Variants in ARHGEF38 observed in about 807,000 individuals in gnomAD.
The protein encoded by ARHGEF38 is Rho guanine nucleotide exchange factor (GEF) 38.
Under a neutral mutation model 79.9 loss-of-function variants are expected in ARHGEF38, and 79 were observed. The observed-to-expected ratio is 0.99, with a 90% CI of 0.82 to 1.19. The LOEUF (loss-of-function observed/expected upper bound fraction) is 1.19, where lower values mean the gene tolerates loss of function less well. Ranked by LOEUF, ARHGEF38 falls within the 50% of genes most tolerant of loss-of-function variation. The pLI is 0.00. For synonymous variants in ARHGEF38, 366 were observed against 328.3 expected, an observed-to-expected ratio of 1.11 and a Z score of -1.24; for missense variants, 962 against 907.2, an observed-to-expected ratio of 1.06 and a Z score of -0.78.
chr4:105,564,725 A>G (rs1725805446), intron 1 of ARHGEF38, among the ~76,000 whole-genome samples: 1 of 152,216 alleles, frequency 6.6e-6, no homozygotes, highest in African/African-American at 2.4e-5. Context: ...GCTTTTCCCA[A>G]TTTGACTCTA....
Position 105,630,891 on chromosome 4 carries a change from T to C in ARHGEF38, c.509-7T>C. The stretch of plus-strand genomic sequence containing the variant: ...ATGTCATTTTGCCTTTGTTTTGCAT[T>C]TATCAGGAGAAGTATTCTTGCAGAT... On this transcript the variant is annotated splice_polypyrimidine_tract_variant and splice_region_variant and intron_variant, in intron 3 of 13. Transcript: ENST00000420470. 1 of 1,601,210 alleles carries C rather than the reference T, an allele frequency of 6.2e-7. No homozygotes were observed. Among genetic ancestry groups the C allele is most frequent in the Non-Finnish European group, 8.5e-7 (1 of 1,175,924 alleles).
chr4:105,595,567 A>G (rs72669970), intron 2 of ARHGEF38, among the ~76,000 whole-genome samples: 22,860 of 152,044 alleles, frequency 0.15, 1,803 homozygotes, highest in Middle Eastern at 0.17. Flanking sequence ...ATACTGAAAT[A>G]TTTTCTGGAA....
At chr4:105,577,105 T>TA (rs776912536) in intron 1 of ARHGEF38, among the ~76,000 whole-genome samples, 17 of 151,016 alleles carry the variant, frequency 1.1e-4, no homozygotes, top group Non-Finnish European at 2.1e-4. Flanking sequence ...TTTAATTTTT[T>TA]TTATTATTAT....
chr4:105,604,742 C>T (rs1328430866), intron 2 of ARHGEF38, among the ~76,000 whole-genome samples: 1 of 152,074 alleles, frequency 6.6e-6, no homozygotes, highest in Non-Finnish European at 1.5e-5. Context: ...GAAATAAACA[C>T]ACATGTACAC....
At chr4:105,673,460 A>T (rs1316755046) in intron 13 of ARHGEF38, among the ~76,000 whole-genome samples, 1 of 152,180 alleles carries the variant, frequency 6.6e-6, no homozygotes, top group Non-Finnish European at 1.5e-5. Context: ...TTTTGCTACC[A>T]ATCCCACGTT....
chr4:105,599,149 CTCTTA>C (rs1246586609), intron 2 of ARHGEF38, among the ~76,000 whole-genome samples: 1 of 152,094 alleles, frequency 6.6e-6, no homozygotes, highest in Non-Finnish European at 1.5e-5. Flanking sequence ...GGAAGGAAAT[CTCTTA>C]TCTTTGCTTG....
intron 4 of ARHGEF38, among the ~76,000 whole-genome samples, chr4:105,635,992 T>C (rs998987781): frequency 6.6e-6 from 1 of 152,068 alleles, no homozygotes; most frequent in African/African-American, 2.4e-5. Flanking sequence ...AAAAAACTTA[T>C]TAAATCCATT....
intron 1 of ARHGEF38, among the ~76,000 whole-genome samples, chr4:105,561,424 GGAATA>G (rs1725544021): frequency 4.9e-4 from 26 of 53,016 alleles, no homozygotes; most frequent in African/African-American, 2.0e-3. Flanking sequence ...AGAATAGAAT[GGAATA>G]GAATAGAATA....
intron 2 of ARHGEF38, among the ~76,000 whole-genome samples, chr4:105,590,195 T>C (rs1311147151): frequency 6.6e-6 from 1 of 152,046 alleles, no homozygotes; most frequent in African/African-American, 2.4e-5. Flanking sequence ...GTGGTCATTC[T>C]ATTTCAAATA....
At chr4:105,635,486 T>C (rs1319462597) in intron 4 of ARHGEF38, among the ~76,000 whole-genome samples, 1 of 152,106 alleles carries the variant, frequency 6.6e-6, no homozygotes, top group East Asian at 1.9e-4. Flanking sequence ...GTTAAAAGAA[T>C]AACCTTCTCT....
rs1019776161 is a variant in ARHGEF38 at position 105,552,730 on chromosome 4, T to G, written c.-36T>G. ...CCTGAGGCACCTTAGCAATCAGCCATTGCCTGCAAGCCTCCAAAGCTTGTC... is the reference window on the plus strand; with the variant it reads ...CCTGAGGCACCTTAGCAATCAGCCAGTGCCTGCAAGCCTCCAAAGCTTGTC... On this transcript the variant is annotated 5_prime_UTR_variant, in exon 1 of 14. Coordinates refer to ENST00000420470, the MANE Select transcript of ARHGEF38 (RefSeq NM_001242729.2). 6.4e-7 allele frequency: 1 copy of G among 1,553,762 alleles called. No individual in the cohort carries two copies. The highest frequency in any genetic ancestry group is 1.4e-5 in the African/African-American group (1 of 72,520).
intron 1 of ARHGEF38, among the ~76,000 whole-genome samples, chr4:105,554,305 G>A (rs1725150825): frequency 6.6e-6 from 1 of 152,074 alleles, no homozygotes; most frequent in Non-Finnish European, 1.5e-5. Context: ...TCATCACCTG[G>A]GTACTGAGCA....
At chr4:105,669,814 C>G (rs1421461395) in intron 13 of ARHGEF38, among the ~76,000 whole-genome samples, 1 of 152,120 alleles carries the variant, frequency 6.6e-6, no homozygotes, top group Admixed American at 6.5e-5. Context: ...CACCCCTAAC[C>G]CCAGGGAACC....
chr4:105,604,132 G>T (rs888527630), intron 2 of ARHGEF38, among the ~76,000 whole-genome samples: 5 of 152,150 alleles, frequency 3.3e-5, no homozygotes, highest in Non-Finnish European at 7.4e-5. Flanking sequence ...AGGTGCAAAG[G>T]CAAGGCCACG....
At chr4:105,653,538 G>A (rs1321850417) in intron 7 of ARHGEF38, among the ~76,000 whole-genome samples, 1 of 152,088 alleles carries the variant, frequency 6.6e-6, no homozygotes, top group Non-Finnish European at 1.5e-5. Context: ...GGCCAGGCTG[G>A]ACTCGAACTC....
chr4:105,571,608 C>A (rs1402814055), intron 1 of ARHGEF38, among the ~76,000 whole-genome samples: 1 of 152,162 alleles, frequency 6.6e-6, no homozygotes, highest in Non-Finnish European at 1.5e-5. Context: ...CAGGCGTGAG[C>A]CACCGCGCCC....
chr4:105,637,609 T>C (rs570730630), intron 5 of ARHGEF38, among the ~76,000 whole-genome samples: 4 of 152,216 alleles, frequency 2.6e-5, no homozygotes, highest in Non-Finnish European at 5.9e-5. Flanking sequence ...GTCCCTGGCA[T>C]TGTGCCAAGG....
chr4:105,640,784 A>G (rs567140179), intron 5 of ARHGEF38, among the ~76,000 whole-genome samples: 1 of 152,292 alleles, frequency 6.6e-6, no homozygotes, highest in African/African-American at 2.4e-5. Flanking sequence ...TCACCTTCAG[A>G]ATTTAGAGGT....
Position 105,679,143 on chromosome 4 carries a change from T to A in ARHGEF38, c.*1206T>A. 7.0e-6 allele frequency: 4 copies of A among 570,658 alleles called. No homozygotes were observed. Among genetic ancestry groups the A allele is most frequent in the Non-Finnish European group, 8.8e-6 (3 of 340,652 alleles). 35.3% of individuals were successfully genotyped at this position (570,658 alleles called of 1,614,324 possible). On this transcript the variant is annotated 3_prime_UTR_variant, in exon 14 of 14. Transcript: ENST00000420470. ...TTGCCGACTTTCCTGAGCAACTGCT[T>A]TGTCGACTCTCTCTACCTGACCAAT...
Sources: allele counts gnomAD v4.1 joint callset (sites outside exome capture counted in the v4.1 genomes callset), GRCh38; gene constraint gnomAD v4.1.1; transcripts MANE v1.5; gene names NCBI Gene and HGNC (gene_info 2026-07-23, HGNC 2026-07-21).